Variants in TNFSF4 observed in about 807,000 individuals in gnomAD.
TNFSF4 encodes the protein tumor necrosis factor ligand superfamily member 4.
TNFSF4 carries 4 observed loss-of-function variants against 7.3 expected under a neutral mutation model. The observed-to-expected ratio is 0.55, with a 90% CI of 0.27 to 1.25. The LOEUF (loss-of-function observed/expected upper bound fraction) is 1.25. Among genes scored for constraint, TNFSF4 ranks in the 50% most tolerant of loss-of-function variants. The probability of loss-of-function intolerance (pLI) is 0.12; values close to 1 mark genes in which losing one functional copy is unlikely to be tolerated. For synonymous variants in TNFSF4, 76 were observed against 83.7 expected (o/e 0.91, Z 0.50); for missense variants, 181 against 208.8 (o/e 0.87, Z 0.82).
the TNFSF4 span, among the ~76,000 whole-genome samples, chr1:173,303,872 T>C: frequency 0.015 from 2,220 of 152,058 alleles, 65 homozygotes; most frequent in African/African-American, 0.049. Context: ...GTCAATAATA[T>C]ATAAGTAAGT....
the TNFSF4 span, among the ~76,000 whole-genome samples, chr1:173,297,405 A>G: frequency 6.6e-6 from 1 of 151,974 alleles, no homozygotes; most frequent in African/African-American, 2.4e-5. Flanking sequence ...TGCTTTATGG[A>G]TAAAACAAAT....
At chr1:173,433,506 G>C in the TNFSF4 span, among the ~76,000 whole-genome samples, 1 of 151,224 alleles carries the variant, frequency 6.6e-6, no homozygotes, top group South Asian at 2.1e-4. Flanking sequence ...ACCAGCCTGG[G>C]CAACATGGCG....
the TNFSF4 span, among the ~76,000 whole-genome samples, chr1:173,377,512 C>T: frequency 9.9e-5 from 15 of 152,226 alleles, no homozygotes; most frequent in African/African-American, 1.9e-4. Flanking sequence ...GACGCCCAAG[C>T]GAGACTAGCC....
chr1:173,417,529 TG>T, the TNFSF4 span, among the ~76,000 whole-genome samples: 1 of 152,136 alleles, frequency 6.6e-6, no homozygotes, highest in African/African-American at 2.4e-5. Context: ...AATGAGACTC[TG>T]AAGTTACAAG....
At chr1:173,315,144 C>T in the TNFSF4 span, among the ~76,000 whole-genome samples, 1 of 152,236 alleles carries the variant, frequency 6.6e-6, no homozygotes, top group South Asian at 2.1e-4. Context: ...CTTCTCTGTG[C>T]TCTTCATCTG....
the TNFSF4 span, among the ~76,000 whole-genome samples, chr1:173,391,570 T>C: frequency 1.3e-5 from 2 of 151,990 alleles, no homozygotes; most frequent in African/African-American, 2.4e-5. Context: ...TGTGACCCTG[T>C]TCATACTTGG....
At chr1:173,425,885 G>A in the TNFSF4 span, among the ~76,000 whole-genome samples, 1 of 152,140 alleles carries the variant, frequency 6.6e-6, no homozygotes, top group Non-Finnish European at 1.5e-5. Flanking sequence ...TCAGTTATGT[G>A]GATATGGTCC....
At chr1:173,279,044 A>T in the TNFSF4 span, among the ~76,000 whole-genome samples, 32,126 of 152,000 alleles carry the variant, frequency 0.21, 3,703 homozygotes, top group Admixed American at 0.32. Context: ...CTGTTGGAAG[A>T]TCTCACTTCT....
At chr1:173,261,154 G>A in the TNFSF4 span, among the ~76,000 whole-genome samples, 6 of 152,216 alleles carry the variant, frequency 3.9e-5, no homozygotes, top group Non-Finnish European at 7.4e-5. Context: ...AGAAAGTAGC[G>A]CAATCAAATT....
chr1:173,247,211 T>A, the TNFSF4 span, among the ~76,000 whole-genome samples: 2 of 152,340 alleles, frequency 1.3e-5, no homozygotes, highest in East Asian at 3.9e-4. Context: ...AGGAGTTCCC[T>A]GTCACTGAGT....
At chr1:173,253,806 T>C in the TNFSF4 span, among the ~76,000 whole-genome samples, 1 of 152,226 alleles carries the variant, frequency 6.6e-6, no homozygotes, top group Non-Finnish European at 1.5e-5. Flanking sequence ...TTTTTTCTAT[T>C]AGAAATTTCA....
At chr1:173,220,644 C>T in the TNFSF4 span, among the ~76,000 whole-genome samples, 1 of 152,148 alleles carries the variant, frequency 6.6e-6, no homozygotes, top group South Asian at 2.1e-4. Context: ...AGTGCCCTTA[C>T]TAGAAAAGAC....
the TNFSF4 span, among the ~76,000 whole-genome samples, chr1:173,243,426 G>A: frequency 1.1e-4 from 17 of 152,148 alleles, no homozygotes; most frequent in Admixed American, 2.6e-4. Flanking sequence ...GTGGATTTGC[G>A]GGTCTCTTCC....
chr1:173,230,612 C>A, the TNFSF4 span, among the ~76,000 whole-genome samples: 2 of 151,868 alleles, frequency 1.3e-5, no homozygotes, highest in Non-Finnish European at 2.9e-5. Flanking sequence ...AGACACAACA[C>A]CCTTCAAAAA....
At chr1:173,277,891 A>G in the TNFSF4 span, among the ~76,000 whole-genome samples, 1 of 152,134 alleles carries the variant, frequency 6.6e-6, no homozygotes, top group African/African-American at 2.4e-5. Context: ...CAAGGTTCCT[A>G]CAGAAATGTT....
the TNFSF4 span, among the ~76,000 whole-genome samples, chr1:173,352,921 A>G: frequency 6.6e-6 from 1 of 152,188 alleles, no homozygotes; most frequent in African/African-American, 2.4e-5. Context: ...AATTATTAAT[A>G]TTCCTTGCTG....
chr1:173,334,268 G>C, the TNFSF4 span, among the ~76,000 whole-genome samples: 3 of 152,042 alleles, frequency 2.0e-5, no homozygotes, highest in Non-Finnish European at 4.4e-5. Context: ...TCTGGCAATA[G>C]GGAGACACAA....
chr1:173,331,447 TTAG>T, the TNFSF4 span, among the ~76,000 whole-genome samples: 9,496 of 152,274 alleles, frequency 0.062, 318 homozygotes, highest in Middle Eastern at 0.13. Flanking sequence ...TTTGGAAACC[TTAG>T]TAGTCAAAAA....
chr1:173,395,037 T>TAGATAGATA, the TNFSF4 span, among the ~76,000 whole-genome samples: 37 of 94,122 alleles, frequency 3.9e-4, no homozygotes, highest in African/African-American at 5.1e-4. Context: ...GATAGATAGA[T>TAGATAGATA]GATAGATAGA....
Sources: gnomAD v4.1 joint callset for allele counts (sites outside exome capture counted in the v4.1 genomes callset) on GRCh38, gnomAD v4.1.1 for gene constraint, MANE v1.5 for transcripts, NCBI Gene and HGNC (gene_info 2026-07-23, HGNC 2026-07-21) for gene names.